The following PATJ variants were observed in gnomAD, a reference collection of about 807,000 sequenced individuals.
The protein encoded by PATJ is inaD-like protein.
In PATJ, 190 loss-of-function variants were observed where a neutral mutation model predicts 224.9. The ratio of observed to expected loss-of-function variants is 0.84; its 90% CI spans 0.75 to 0.95. The LOEUF (loss-of-function observed/expected upper bound fraction) is 0.95. Among genes scored for constraint, PATJ ranks in the 40% least tolerant of loss-of-function variants. PATJ has a pLI of 0.00. For synonymous variants in PATJ, 769 were observed against 820.3 expected (o/e 0.94, Z 1.07); for missense variants, 2,121 against 2,270.3 (o/e 0.93, Z 1.34).
intron 27 of PATJ, among the ~76,000 whole-genome samples, chr1:61,971,503 A>G (rs893502257): frequency 6.6e-6 from 1 of 151,918 alleles, no homozygotes; most frequent in African/African-American, 2.4e-5. Context: ...AGTCCCAGCT[A>G]CTCAGGAGGC....
intron 33 of PATJ, among the ~76,000 whole-genome samples, chr1:62,098,585 A>C: frequency 6.9e-6 from 1 of 144,960 alleles, no homozygotes; most frequent in Non-Finnish European, 1.5e-5. Flanking sequence ...ACGGAGTGAG[A>C]CCGTGTCTCA....
chr1:61,868,065 C>A (rs1168877803), intron 20 of PATJ, among the ~76,000 whole-genome samples: 1 of 152,174 alleles, frequency 6.6e-6, no homozygotes, highest in Admixed American at 6.5e-5. Context: ...TTATCTTTCT[C>A]TTCCACCCTC....
intron 27 of PATJ, among the ~76,000 whole-genome samples, chr1:61,960,694 C>T (rs950347201): frequency 1.7e-4 from 26 of 151,048 alleles, no homozygotes; most frequent in Middle Eastern, 3.4e-3. Flanking sequence ...TACCTTTGAA[C>T]GAAGTACAAT....
At chr1:61,955,355 A>G (rs1420323939) in intron 27 of PATJ, among the ~76,000 whole-genome samples, 1 of 152,164 alleles carries the variant, frequency 6.6e-6, no homozygotes, top group East Asian at 1.9e-4. Flanking sequence ...GAAAAAAGAT[A>G]TATAGGTGCA....
At chr1:62,064,271 T>C (rs1390544220) in intron 31 of PATJ, among the ~76,000 whole-genome samples, 1 of 152,224 alleles carries the variant, frequency 6.6e-6, no homozygotes, top group Non-Finnish European at 1.5e-5. Flanking sequence ...GGTTTTTGTT[T>C]TTAGTCTTAT....
intron 28 of PATJ, 54 bp from the exon 29 acceptor site, chr1:62,017,802 C>A: frequency 6.3e-6 from 5 of 797,150 alleles, no homozygotes; most frequent in East Asian, 2.8e-5. Context: ...CAAGTATATA[C>A]ATATATACTT....
chr1:61,938,127 C>G (rs1677171853), intron 27 of PATJ, among the ~76,000 whole-genome samples: 1 of 152,102 alleles, frequency 6.6e-6, no homozygotes, highest in Non-Finnish European at 1.5e-5. Flanking sequence ...TAACAGCATC[C>G]CAGGCCTTTT....
intron 28 of PATJ, among the ~76,000 whole-genome samples, chr1:62,010,061 G>GGACA (rs374749770): frequency 0.22 from 31,369 of 144,324 alleles, 3,906 homozygotes; most frequent in African/African-American, 0.3. Context: ...CCAGCCTGGG[G>GGACA]GAGTGAGACT....
chr1:62,149,608 TAAAA>T (rs58909236), intron 42 of PATJ, among the ~76,000 whole-genome samples: 11 of 145,806 alleles, frequency 7.5e-5, no homozygotes, highest in African/African-American at 2.0e-4. Context: ...GCCTTTTCCT[TAAAA>T]AAAAAAAAAA....
chr1:62,142,536 A>G (rs1176625461), intron 41 of PATJ, among the ~76,000 whole-genome samples: 2 of 152,210 alleles, frequency 1.3e-5, no homozygotes, highest in African/African-American at 4.8e-5. Flanking sequence ...AGCAATTGTT[A>G]TGTGCTAGAC....
At chr1:61,859,551 C>T (rs1316119096) in intron 18 of PATJ, among the ~76,000 whole-genome samples, 1 of 151,764 alleles carries the variant, frequency 6.6e-6, no homozygotes, top group Non-Finnish European at 1.5e-5. Context: ...CTCTCTCTCC[C>T]TCTCTCTCTC....
At chr1:61,792,854 GT>G (rs910270536) in intron 9 of PATJ, among the ~76,000 whole-genome samples, 2 of 152,040 alleles carry the variant, frequency 1.3e-5, no homozygotes, top group African/African-American at 2.4e-5. Flanking sequence ...ACCCTCAAAA[GT>G]TTTTTGGACT....
intron 43 of PATJ, among the ~76,000 whole-genome samples, chr1:62,160,501 C>T (rs1304507350): frequency 6.6e-6 from 1 of 152,170 alleles, no homozygotes; most frequent in African/African-American, 2.4e-5. Flanking sequence ...GCAATGGGAA[C>T]TCTGTATAAT....
chr1:61,965,121 CAAAAAAAAAAAAAAAAAAAAAAAAAAAA>C (rs34267345), intron 27 of PATJ, among the ~76,000 whole-genome samples: 21,245 of 55,078 alleles, frequency 0.39, 2,556 homozygotes, highest in South Asian at 0.49. Context: ...GACTCTGTCT[CAAAAAAAAAAAAAAAAAAAAAAAAAAAA>C]AAAAAAAAAA....
At chr1:62,034,476 G>C (rs1466878075) in intron 29 of PATJ, among the ~76,000 whole-genome samples, 1 of 145,894 alleles carries the variant, frequency 6.9e-6, no homozygotes, top group African/African-American at 2.5e-5. Flanking sequence ...TAATTATAAA[G>C]CAAACAGATA....
At chr1:61,965,350 A>AT (rs144034680) in intron 27 of PATJ, among the ~76,000 whole-genome samples, 2 of 152,094 alleles carry the variant, frequency 1.3e-5, no homozygotes, top group African/African-American at 2.4e-5. Flanking sequence ...AAAACTCAGT[A>AT]GAGTTATTTT....
At chr1:61,972,260 G>A (rs138400397) in intron 27 of PATJ, among the ~76,000 whole-genome samples, 45 of 152,024 alleles carry the variant, frequency 3.0e-4, no homozygotes, top group Middle Eastern at 3.4e-3. Context: ...ACTGTGACCC[G>A]TCACGTGAGG....
intron 41 of PATJ, among the ~76,000 whole-genome samples, chr1:62,134,557 C>G (rs986541824): frequency 7.3e-5 from 11 of 150,960 alleles, no homozygotes; most frequent in African/African-American, 2.7e-4. Flanking sequence ...GTTGGTCAGC[C>G]TGGTCTCAAA....
chr1:62,013,540 G>A (rs534724251), intron 28 of PATJ: 15 of 977,486 alleles, frequency 1.5e-5, no homozygotes, highest in Admixed American at 6.1e-5. Context: ...TAGGTGTTGC[G>A]TGCCTGCGCT....
Sources: allele counts gnomAD v4.1 joint callset (sites outside exome capture counted in the v4.1 genomes callset), GRCh38; gene constraint gnomAD v4.1.1; transcripts MANE v1.5; gene names NCBI Gene and HGNC (gene_info 2026-07-23, HGNC 2026-07-21).